Variants in DGKB observed in about 807,000 individuals in gnomAD.
The protein encoded by DGKB is 90 kDa diacylglycerol kinase.
A neutral mutation model predicts 114.3 loss-of-function variants in DGKB; 67 were observed. The observed-to-expected ratio is 0.59, with a 90% CI of 0.48 to 0.72. The LOEUF (loss-of-function observed/expected upper bound fraction) is 0.72, where lower values mean the gene tolerates loss of function less well. DGKB is among the 30% of genes least tolerant of loss of function. The probability of loss-of-function intolerance (pLI) is 0.00; values close to 1 mark genes in which losing one functional copy is unlikely to be tolerated. For missense variants in DGKB, 907 were observed against 975.2 expected, an observed-to-expected ratio of 0.93 and a Z score of 0.93; for synonymous variants, 398 against 323.1, an observed-to-expected ratio of 1.23 and a Z score of -2.49.
intron 23 of DGKB, among the ~76,000 whole-genome samples, chr7:14,186,223 T>C (rs1783407954): frequency 6.6e-6 from 1 of 152,092 alleles, no homozygotes; most frequent in Admixed American, 6.5e-5. Context: ...TAGACAATCC[T>C]CAAAAGAAGA....
At chr7:14,432,553 T>C (rs558335581) in intron 21 of DGKB, among the ~76,000 whole-genome samples, 2 of 152,322 alleles carry the variant, frequency 1.3e-5, no homozygotes, top group Admixed American at 1.3e-4. Flanking sequence ...CTCTAAATAG[T>C]GACTGTCAGT....
At chr7:14,523,553 A>C (rs923621945) in intron 20 of DGKB, among the ~76,000 whole-genome samples, 1 of 152,172 alleles carries the variant, frequency 6.6e-6, no homozygotes, top group Non-Finnish European at 1.5e-5. Context: ...TTATACTCCA[A>C]TCAAGGCCAC....
intron 21 of DGKB, among the ~76,000 whole-genome samples, chr7:14,402,375 CAT>C (rs1823268028): frequency 6.6e-6 from 1 of 151,774 alleles, no homozygotes; most frequent in African/African-American, 2.4e-5. Flanking sequence ...ATTCCAGGAA[CAT>C]AGTTTCTTAC....
intron 1 of DGKB, among the ~76,000 whole-genome samples, chr7:14,921,729 G>C (rs1278086134): frequency 2.0e-5 from 3 of 152,126 alleles, no homozygotes; most frequent in Non-Finnish European, 2.9e-5. Context: ...AATGTGTTTT[G>C]TGGGCCCAAG....
intron 21 of DGKB, among the ~76,000 whole-genome samples, chr7:14,376,057 C>T (rs1444174264): frequency 6.6e-6 from 1 of 152,148 alleles, no homozygotes; most frequent in East Asian, 1.9e-4. Context: ...AGGGTACATA[C>T]AGATAATCCA....
chr7:14,245,064 A>G (rs537068642), intron 23 of DGKB, among the ~76,000 whole-genome samples: 1 of 152,232 alleles, frequency 6.6e-6, no homozygotes, highest in South Asian at 2.1e-4. Context: ...GAATGGAAGG[A>G]AAATTGAGAT....
intron 12 of DGKB, among the ~76,000 whole-genome samples, chr7:14,673,548 G>T (rs919766633): frequency 7.3e-5 from 11 of 151,558 alleles, no homozygotes; most frequent in Non-Finnish European, 1.5e-4. Flanking sequence ...GTAGGAGCAG[G>T]ATATAAATAA....
chr7:14,497,227 A>G (rs1030578), intron 20 of DGKB, among the ~76,000 whole-genome samples: 53,756 of 151,546 alleles, frequency 0.35, 10,127 homozygotes, highest in Admixed American at 0.46. Flanking sequence ...AAAAATGCCT[A>G]TTGCATATGA....
intron 21 of DGKB, among the ~76,000 whole-genome samples, chr7:14,425,282 C>T (rs1461882986): frequency 1.3e-5 from 2 of 151,922 alleles, no homozygotes; most frequent in South Asian, 2.1e-4. Context: ...TAATATAAAA[C>T]ATATTCATTT....
intron 17 of DGKB, among the ~76,000 whole-genome samples, chr7:14,605,164 C>T (rs976400442): frequency 4.0e-5 from 6 of 151,808 alleles, no homozygotes; most frequent in Admixed American, 4.0e-4. Context: ...AAATATTCAT[C>T]AGTAATGGGA....
intron 21 of DGKB, among the ~76,000 whole-genome samples, chr7:14,382,893 C>A (rs113815551): frequency 6.6e-6 from 1 of 151,932 alleles, no homozygotes; most frequent in African/African-American, 2.4e-5. Context: ...AACAGTGGAA[C>A]AGAAGGTGAG....
At chr7:14,663,082 C>T (rs138724836) in intron 13 of DGKB, among the ~76,000 whole-genome samples, 32 of 152,014 alleles carry the variant, frequency 2.1e-4, no homozygotes, top group Non-Finnish European at 2.1e-4. Flanking sequence ...GTTAATAGCT[C>T]GCTTCATATC....
chr7:14,180,363 C>T (rs1371721940), intron 23 of DGKB, among the ~76,000 whole-genome samples: 1 of 152,136 alleles, frequency 6.6e-6, no homozygotes, highest in Admixed American at 6.6e-5. Context: ...CTACTGTCTA[C>T]CACCCTCCTT....
intron 1 of DGKB, among the ~76,000 whole-genome samples, chr7:14,853,797 G>C (rs1029646106): frequency 7.5e-5 from 11 of 147,354 alleles, no homozygotes; most frequent in African/African-American, 2.8e-4. Context: ...GAACCCACGA[G>C]GCGGAGCTTG....
Position 14,236,681 on chromosome 7 carries a change from A to G in DGKB, c.2123-58530T>C, listed in dbSNP as rs1220408069. On this transcript the variant is annotated intron_variant, in intron 23 of 25. Transcript: ENST00000402815. ...GAAATTTTTTCCCCCTATGAATTAT[A>G]TATTAGAAACAAGTAATTCAATTCC... Among the ~76,000 whole-genome samples the G allele has an allele frequency of 5.3e-5, 8 of 152,106 alleles. 1 individual carries two copies. The South Asian group carries it at 8.3e-4, about 16-fold the overall frequency.
intron 23 of DGKB, among the ~76,000 whole-genome samples, chr7:14,239,178 A>G (rs186443684): frequency 2.6e-5 from 4 of 152,142 alleles, no homozygotes; most frequent in Admixed American, 6.6e-5. Context: ...TCTTTTCTGC[A>G]TCTTTTGTTT....
rs1562755262 is a variant in DGKB at position 14,863,643 on chromosome 7, AT to A, written c.-187-22194del. 6.6e-5 allele frequency among the ~76,000 whole-genome samples: 10 copies of A among 152,252 alleles called. No individual in the cohort carries two copies. In the South Asian group the frequency reaches 2.1e-3, roughly 32 times the overall value. Reference sequence around the variant, plus strand: ...ATTTATTTGTAATTGACAAATAATAATTGTGTATATTTATGGGATATGATGA... The same window carrying A: ...ATTTATTTGTAATTGACAAATAATAATGTGTATATTTATGGGATATGATGA... On this transcript the variant is annotated intron_variant, in intron 1 of 25. Coordinates refer to ENST00000402815, the MANE Select transcript of DGKB (RefSeq NM_001350709.2).
At chr7:14,689,230 G>T (rs1457927065) in intron 9 of DGKB, among the ~76,000 whole-genome samples, 2 of 48,980 alleles carry the variant, frequency 4.1e-5, no homozygotes, top group East Asian at 8.7e-3. Flanking sequence ...TTTTTGAGAG[G>T]AGTCTCGCTC....
At chr7:14,154,124 A>G (rs1023668317) in intron 25 of DGKB, among the ~76,000 whole-genome samples, 2 of 151,704 alleles carry the variant, frequency 1.3e-5, no homozygotes, top group Non-Finnish European at 2.9e-5. Flanking sequence ...GGCTTCTGGC[A>G]TATAAACAAA....
Sources: allele counts gnomAD v4.1 joint callset (sites outside exome capture counted in the v4.1 genomes callset), GRCh38; gene constraint gnomAD v4.1.1; transcripts MANE v1.5; gene names NCBI Gene and HGNC (gene_info 2026-07-23, HGNC 2026-07-21).